Variants in DYNAP observed in about 807,000 individuals in gnomAD.
DYNAP encodes the protein dynactin associated protein.
DYNAP carries 7 observed loss-of-function variants against 8.5 expected under a neutral mutation model. That is an observed-to-expected ratio of 0.82 (90% CI 0.47 to 1.54). DYNAP has a LOEUF of 1.54. DYNAP is among the 40% of genes most tolerant of loss of function. DYNAP has a pLI of 0.01. For missense variants in DYNAP, 256 were observed against 224.3 expected (o/e 1.14, Z -0.90); for synonymous variants, 77 against 77.9 (o/e 0.99, Z 0.06).
the DYNAP span, among the ~76,000 whole-genome samples, chr18:54,578,446 T>C: frequency 1.3e-5 from 2 of 152,230 alleles, no homozygotes; most frequent in Non-Finnish European, 2.9e-5. Flanking sequence ...GGATGCATCA[T>C]AGTGAATTTG....
upstream of DYNAP, among the ~76,000 whole-genome samples, chr18:54,588,698 C>G (rs918956539): frequency 6.6e-6 from 1 of 152,016 alleles, no homozygotes; most frequent in Admixed American, 6.6e-5. Context: ...TGTTTCATTA[C>G]TTTTGATTCA....
At chr18:54,592,736 C>T (rs1911130313) in intron 1 of DYNAP, among the ~76,000 whole-genome samples, 1 of 152,106 alleles carries the variant, frequency 6.6e-6, no homozygotes, top group Non-Finnish European at 1.5e-5. Context: ...AGAGACTCCA[C>T]CTGTAGTAAG....
At chr18:54,577,898 T>C in the DYNAP span, among the ~76,000 whole-genome samples, 1 of 147,636 alleles carries the variant, frequency 6.8e-6, no homozygotes, top group African/African-American at 2.5e-5. Flanking sequence ...ACCCGGCAGG[T>C]TGCAGTGATC....
chr18:54,588,911 A>G (rs1374086597), upstream of DYNAP, among the ~76,000 whole-genome samples: 2 of 152,278 alleles, frequency 1.3e-5, no homozygotes, highest in Admixed American at 1.3e-4. Flanking sequence ...TTTTTTCACA[A>G]GGATCTTTCA....
chr18:54,577,062 A>G, the DYNAP span, among the ~76,000 whole-genome samples: 1 of 152,174 alleles, frequency 6.6e-6, no homozygotes, highest in Admixed American at 6.5e-5. Context: ...ACTCCTACAA[A>G]TGCCTTAATT....
chr18:54,582,769 T>G (rs1910761966), upstream of DYNAP, among the ~76,000 whole-genome samples: 1 of 152,236 alleles, frequency 6.6e-6, no homozygotes, highest in Non-Finnish European at 1.5e-5. Flanking sequence ...TCTTTTGAGC[T>G]ATTTCTTCTT....
the DYNAP span, among the ~76,000 whole-genome samples, chr18:54,580,721 G>A: frequency 6.6e-6 from 1 of 152,154 alleles, no homozygotes; most frequent in Non-Finnish European, 1.5e-5. Context: ...GATTTGTTTA[G>A]CTAACAGAAA....
chr18:54,577,668 A>G, the DYNAP span, among the ~76,000 whole-genome samples: 2 of 151,908 alleles, frequency 1.3e-5, no homozygotes, highest in African/African-American at 4.8e-5. Context: ...AGAAAAGAAA[A>G]CAGAGTTGAA....
intron 1 of DYNAP, among the ~76,000 whole-genome samples, chr18:54,593,525 G>A (rs1911166521): frequency 6.6e-6 from 1 of 152,158 alleles, no homozygotes; most frequent in Admixed American, 6.6e-5. Flanking sequence ...TCCTTTTGAA[G>A]CTGATAGGAG....
chr18:54,597,545 C>G (rs183601160), intron 2 of DYNAP, among the ~76,000 whole-genome samples: 1 of 152,070 alleles, frequency 6.6e-6, no homozygotes, highest in African/African-American at 2.4e-5. Context: ...TAAAACTGCT[C>G]TGAAAATAAA....
upstream of DYNAP, among the ~76,000 whole-genome samples, chr18:54,587,415 A>C (rs986306207): frequency 6.6e-6 from 1 of 152,166 alleles, no homozygotes; most frequent in South Asian, 2.1e-4. Context: ...CTACAAACCC[A>C]TCATACCTCA....
At chr18:54,579,683 TTC>T in the DYNAP span, among the ~76,000 whole-genome samples, 1 of 152,216 alleles carries the variant, frequency 6.6e-6, no homozygotes, top group South Asian at 2.1e-4. Context: ...AGAAAAATAT[TTC>T]TGTCTCAAAA....
the DYNAP span, among the ~76,000 whole-genome samples, chr18:54,578,763 A>G: frequency 6.6e-5 from 10 of 152,136 alleles, 1 homozygote; most frequent in East Asian, 1.3e-3. Context: ...TTAATGGTTC[A>G]GGAAAAGGCA....
chr18:54,586,598 CTCTGAGTTG>C (rs1910888983), upstream of DYNAP, among the ~76,000 whole-genome samples: 1 of 152,148 alleles, frequency 6.6e-6, no homozygotes, highest in South Asian at 2.1e-4. Context: ...TGAATTCAAG[CTCTGAGTTG>C]TCTTTCCCTT....
At chr18:54,584,183 T>C (rs1910802770), upstream of DYNAP, among the ~76,000 whole-genome samples, 1 of 151,198 alleles carries the variant, frequency 6.6e-6, no homozygotes. Flanking sequence ...GTTAACAAAA[T>C]ACACACCTGA....
At chr18:54,585,597 C>T (rs1027240128), upstream of DYNAP, among the ~76,000 whole-genome samples, 2 of 152,148 alleles carry the variant, frequency 1.3e-5, no homozygotes, top group South Asian at 4.2e-4. Flanking sequence ...AAACTGTCAC[C>T]AGCTTCATCC....
chr18:54,590,301 A>G (rs772595646), upstream of DYNAP, among the ~76,000 whole-genome samples: 71 of 152,188 alleles, frequency 4.7e-4, no homozygotes, highest in Non-Finnish European at 1.0e-3. Context: ...AATTAGCACA[A>G]TGTCCTCAAG....
At chr18:54,590,377 T>A (rs575591682), upstream of DYNAP, among the ~76,000 whole-genome samples, 1 of 152,260 alleles carries the variant, frequency 6.6e-6, no homozygotes, top group East Asian at 1.9e-4. Flanking sequence ...TTTTTCCCAG[T>A]TTTTCAATTC....
the DYNAP span, among the ~76,000 whole-genome samples, chr18:54,581,409 A>G: frequency 6.6e-6 from 1 of 152,318 alleles, no homozygotes; most frequent in East Asian, 1.9e-4. Context: ...GTTTTAATTG[A>G]TTTTGATATT....
Sources: allele counts gnomAD v4.1 joint callset (sites outside exome capture counted in the v4.1 genomes callset), GRCh38; gene constraint gnomAD v4.1.1; transcripts MANE v1.5; gene names NCBI Gene and HGNC (gene_info 2026-07-23, HGNC 2026-07-21).